NAA30: variants seen among roughly 807,000 people sequenced by gnomAD.
NAA30 encodes N-alpha-acetyltransferase 30, NatC catalytic subunit.
A neutral mutation model predicts 31.4 loss-of-function variants in NAA30; 5 were observed. That is an observed-to-expected ratio of 0.16 (90% CI 0.08 to 0.33). NAA30 has a LOEUF of 0.33. NAA30 is among the 10% of genes least tolerant of loss of function. The probability of loss-of-function intolerance (pLI) is 1.00; values close to 1 mark genes in which losing one functional copy is unlikely to be tolerated. For synonymous variants in NAA30, 222 were observed against 207.1 expected (o/e 1.07, Z -0.62); for missense variants, 428 against 490.8 (o/e 0.87, Z 1.21).
At chr14:57,409,288 TAATG>T (rs527809583) in intron 4 of NAA30, 87 bp from the exon 5 acceptor site, 4 of 1,006,880 alleles carry the variant, frequency 4.0e-6, no homozygotes, top group African/African-American at 3.3e-5. Context: ...ATTTTTAAAA[TAATG>T]TATGATTTTT....
chr14:57,408,882 A>G (rs2066511014), intron 4 of NAA30, among the ~76,000 whole-genome samples: 1 of 152,216 alleles, frequency 6.6e-6, no homozygotes, highest in Non-Finnish European at 1.5e-5. Context: ...ATTTGGCCCA[A>G]AGTCTATAGT....
rs772634919 is a variant in NAA30, at chr14:57,409,513, T to C, written c.1086T>C (p.Arg362=). ...VDALRLKLWL[R] ...CACTGCGACTTAAACTGTGGCTGCG[T>C]TGAGAAACTGACATCAAGGAACAAC... The change falls in exon 5 of 5, where the codon CGT becomes CGC. Residue 362 remains arginine (R), a synonymous_variant. Coordinates refer to ENST00000556492, the MANE Select transcript of NAA30 (RefSeq NM_001011713.3). The C allele has an allele frequency of 6.3e-7, 1 of 1,596,706 alleles. No individual in the cohort carries two copies. Among genetic ancestry groups the C allele is most frequent in the East Asian group, 2.3e-5 (1 of 44,368 alleles).
rs959956062 is a variant in NAA30 at position 57,415,016 on chromosome 14, A to C, written c.*5500A>C. The C allele has an allele frequency of 2.0e-5, 3 of 152,218 alleles. No homozygotes were observed. Among genetic ancestry groups the C allele is most frequent in the African/African-American group, 7.2e-5 (3 of 41,456 alleles). 9.4% of individuals were successfully genotyped at this position (152,218 alleles called of 1,614,324 possible). On this transcript the variant is annotated 3_prime_UTR_variant, in exon 5 of 5. Transcript: ENST00000556492. ...AAGGTTTTTATAATGCTAAGAAATA[A>C]GCTTATTTTTAGATATGGATTTTTT...
intron 3 of NAA30, among the ~76,000 whole-genome samples, chr14:57,397,105 G>C (rs991766420): frequency 6.6e-6 from 1 of 152,014 alleles, no homozygotes; most frequent in African/African-American, 2.4e-5. Context: ...ACAAGTAGCC[G>C]ATCATCAGCT....
rs774331843 is a variant in NAA30 at position 57,391,248 on chromosome 14, G to C, written c.291G>C (p.Ala97=). 1.6e-5 allele frequency: 25 copies of C among 1,612,076 alleles called. No individual in the cohort carries two copies. Among genetic ancestry groups the C allele is most frequent in the Non-Finnish European group, 2.1e-5 (25 of 1,179,802 alleles). The stretch of plus-strand genomic sequence containing the variant: ...GCCCCGAACTGCGGCACCTCCGGGC[G>C]GCCGCCTCCCTCAAGAGCAAGGTCC... ...LISPELRHLR[A]AASLKSKVLS... The change falls in exon 2 of 5, where the codon GCG becomes GCC. Residue 97 remains alanine (A), a synonymous_variant. Transcript: ENST00000556492. The surrounding 1 kb of genome is among the most constrained non-coding windows in gnomAD (Gnocchi z 4.1).
chr14:57,401,655 T>C (rs2066477851), intron 4 of NAA30, among the ~76,000 whole-genome samples: 1 of 152,200 alleles, frequency 6.6e-6, no homozygotes, highest in Non-Finnish European at 1.5e-5. Context: ...ACAGGGGTGT[T>C]AAGAGCAGAG....
intron 4 of NAA30, among the ~76,000 whole-genome samples, chr14:57,404,670 A>T (rs1229407682): frequency 6.6e-6 from 1 of 152,192 alleles, no homozygotes; most frequent in East Asian, 1.9e-4. Context: ...TTACAGTTCC[A>T]CATGGCTGGG....
rs1054610758 is a variant in NAA30, at chr14:57,415,358, A to G, written c.*5842A>G. On this transcript the variant is annotated 3_prime_UTR_variant, in exon 5 of 5. Coordinates refer to ENST00000556492, the MANE Select transcript of NAA30 (RefSeq NM_001011713.3). ...CAACTGCAAAGATTGTATGTCTCCT[A>G]TGTTTTCCTTTCATGCCAAAGAAAC... The G allele has an allele frequency of 6.6e-5, 10 of 152,166 alleles. No homozygotes were observed. Among genetic ancestry groups the G allele is most frequent in the Admixed American group, 1.3e-4 (2 of 15,270 alleles). 9.4% of individuals were successfully genotyped at this position (152,166 alleles called of 1,614,324 possible).
intron 2 of NAA30, among the ~76,000 whole-genome samples, chr14:57,394,301 C>G (rs997164803): frequency 1.3e-5 from 2 of 152,034 alleles, no homozygotes; most frequent in African/African-American, 4.8e-5. Context: ...TTGGCTTCCT[C>G]CAGTTTTCTA....
chr14:57,391,760 C>T lies in NAA30; in HGVS notation c.771+32C>T. ...GGATAGAATAAAAAGAGGGTGAACC[C>T]AGCAGTGATCGAGACTGTGCGGGGC... On this transcript the variant is annotated intron_variant, in intron 2 of 4. Transcript: ENST00000556492. The surrounding 1 kb of genome is among the most constrained non-coding windows in gnomAD (Gnocchi z 4.1). The T allele has an allele frequency of 6.4e-7, 1 of 1,550,802 alleles. No individual in the cohort carries two copies. The highest frequency in any genetic ancestry group is 8.8e-7 in the Non-Finnish European group (1 of 1,142,142).
At chr14:57,405,336 C>T (rs988640348) in intron 4 of NAA30, among the ~76,000 whole-genome samples, 10 of 151,614 alleles carry the variant, frequency 6.6e-5, no homozygotes, top group African/African-American at 2.2e-4. Flanking sequence ...CATTCTTTTT[C>T]CCCCATTATA....
rs897027194 is a variant in NAA30, at chr14:57,411,483, A to G, written c.*1967A>G. 1.3e-5 allele frequency: 2 copies of G among 152,156 alleles called. No homozygotes were observed. The highest frequency in any genetic ancestry group is 2.9e-5 in the Non-Finnish European group (2 of 67,986). 9.4% of individuals were successfully genotyped at this position (152,156 alleles called of 1,614,324 possible). A position where few individuals can be genotyped will look rare whatever the true frequency, so the allele number is the denominator to read the frequency against. ...CTTGCTGGTTGATACATAATGGTTG[A>G]TGAACATATATTTGCTTAAATCACT... On this transcript the variant is annotated 3_prime_UTR_variant, in exon 5 of 5. Coordinates refer to ENST00000556492, the MANE Select transcript of NAA30 (RefSeq NM_001011713.3).
rs1212517195 is a variant in NAA30, at chr14:57,414,156, A to G, written c.*4640A>G. On this transcript the variant is annotated 3_prime_UTR_variant, in exon 5 of 5. Transcript: ENST00000556492. ...AGGCCAGATGTGGTGGCTCACGCCT[A>G]TTATCCCAGCGTTTTGGGAGGCTGA... 5 of 152,370 alleles carry G rather than the reference A, an allele frequency of 3.3e-5. No individual in the cohort carries two copies. The East Asian group carries it at 9.6e-4, about 29-fold the overall frequency. 9.4% of individuals were successfully genotyped at this position (152,370 alleles called of 1,614,324 possible).
rs2066539631 is a variant in NAA30, at chr14:57,414,660, A to G, written c.*5144A>G. On this transcript the variant is annotated 3_prime_UTR_variant, in exon 5 of 5. Transcript: ENST00000556492. ...GCCAAAGGCCAATGTTACTTCTAGA[A>G]GAACCAGATTAATTTTTCTGCCTTC... The G allele has an allele frequency of 6.6e-6, 1 of 152,240 alleles. No homozygotes were observed. The highest frequency in any genetic ancestry group is 1.5e-5 in the Non-Finnish European group (1 of 68,038). The allele number at this position is 152,240 out of a possible 1,614,324, so 9.4% of individuals were successfully genotyped here.
intron 4 of NAA30, among the ~76,000 whole-genome samples, chr14:57,408,224 A>G (rs1312146820): frequency 6.6e-6 from 1 of 152,162 alleles, no homozygotes; most frequent in African/African-American, 2.4e-5. Flanking sequence ...ACCCACTCCA[A>G]ACACTTGAGG....
intron 4 of NAA30, among the ~76,000 whole-genome samples, chr14:57,401,437 C>T (rs1408348143): frequency 6.6e-6 from 1 of 152,182 alleles, no homozygotes; most frequent in Non-Finnish European, 1.5e-5. Flanking sequence ...GCAAAAGGTG[C>T]AGTCGCCAAA....
intron 4 of NAA30, among the ~76,000 whole-genome samples, chr14:57,407,687 T>G (rs2066503435): frequency 6.6e-6 from 1 of 152,214 alleles, no homozygotes; most frequent in Non-Finnish European, 1.5e-5. Flanking sequence ...TTTATGTCTC[T>G]TGATATTATT....
At chr14:57,390,754 G>A (rs1594748034) in intron 1 of NAA30, 49 bp downstream of exon 1, 2 of 475,294 alleles carry the variant, frequency 4.2e-6, no homozygotes, top group East Asian at 3.5e-5. Flanking sequence ...GGGTGGGCCC[G>A]GGCGGACGGG....
Position 57,409,540 on chromosome 14 carries a change from A to G in NAA30, c.*24A>G, listed in dbSNP as rs768716763. 3.1e-6 allele frequency: 5 copies of G among 1,589,500 alleles called. No individual in the cohort carries two copies. Among genetic ancestry groups the G allele is most frequent in the Non-Finnish European group, 3.4e-6 (4 of 1,171,806 alleles). ...GAGAAACTGACATCAAGGAACAACT[A>G]TCATCCGCACAGAATCGACCTTTGC... On this transcript the variant is annotated 3_prime_UTR_variant, in exon 5 of 5. Coordinates refer to ENST00000556492, the MANE Select transcript of NAA30 (RefSeq NM_001011713.3).
Sources: gnomAD v4.1 joint callset for allele counts (sites outside exome capture counted in the v4.1 genomes callset) on GRCh38, gnomAD v4.1.1 for gene constraint, Gnocchi (gnomAD v3.1) non-coding constraint, MANE v1.5 for transcripts, NCBI Gene and HGNC (gene_info 2026-07-23, HGNC 2026-07-21) for gene names.